The following LAMA2 variants were observed in gnomAD, a reference collection of about 807,000 sequenced individuals.
LAMA2 encodes the protein laminin subunit alpha 2.
In LAMA2, 269 loss-of-function variants were observed where a neutral mutation model predicts 364.8. The observed-to-expected ratio is 0.74, with a 90% CI of 0.67 to 0.82. The LOEUF (loss-of-function observed/expected upper bound fraction) is 0.82. Among genes scored for constraint, LAMA2 ranks in the 40% least tolerant of loss-of-function variants. LAMA2 has a pLI of 0.00. For missense variants in LAMA2, 3,807 were observed against 3,873.2 expected, an observed-to-expected ratio of 0.98 and a Z score of 0.45; for synonymous variants, 1,379 against 1,370.6, an observed-to-expected ratio of 1.01 and a Z score of -0.14.
chr6:129,107,980 C>T (rs1441500601), intron 4 of LAMA2, among the ~76,000 whole-genome samples: 1 of 152,020 alleles, frequency 6.6e-6, no homozygotes, highest in Non-Finnish European at 1.5e-5. Context: ...TGAGCTGCTG[C>T]TTATTTTTTA....
chr6:129,255,461 G>C, intron 14 of LAMA2, among the ~76,000 whole-genome samples: 1 of 127,282 alleles, frequency 7.9e-6, no homozygotes, highest in Non-Finnish European at 1.6e-5. Flanking sequence ...TTAGCACACA[G>C]AGGTCAGCTG....
At chr6:129,180,189 T>C (rs1049606218) in intron 10 of LAMA2, among the ~76,000 whole-genome samples, 6 of 152,140 alleles carry the variant, frequency 3.9e-5, no homozygotes, top group Admixed American at 3.9e-4. Flanking sequence ...ATCAAAATGC[T>C]GCTTAAGAAG....
At chr6:129,291,382 T>C (rs1789690675) in intron 19 of LAMA2, among the ~76,000 whole-genome samples, 1 of 152,198 alleles carries the variant, frequency 6.6e-6, no homozygotes, top group Non-Finnish European at 1.5e-5. Context: ...TTTAATGGCA[T>C]ATGATGGGCC....
In LAMA2 at chr6:129,464,407, AT is replaced by A; in HGVS notation, c.7114del (p.Ser2372LeufsTer6). ...ISTVMFKFRTFSSSALLMYLA... is the reference protein window; with the variant it reads ...ISTVMFKFRTXSSSALLMYLA... ...CCACTGTCATGTTCAAGTTCAGAAC[AT>A]TTTCTTCGAGTGCTCTTCTGATGTA... On this transcript the variant is annotated frameshift_variant, in exon 50 of 65. Transcript: ENST00000421865. LOFTEE classifies it high-confidence loss of function. The A allele has an allele frequency of 6.2e-7, 1 of 1,612,456 alleles. No individual in the cohort carries two copies.
chr6:128,919,642 T>G (rs1219190400), intron 1 of LAMA2, among the ~76,000 whole-genome samples: 1 of 152,238 alleles, frequency 6.6e-6, no homozygotes, highest in African/African-American at 2.4e-5. Flanking sequence ...ATGGATATTC[T>G]TGCTTGCAAT....
chr6:128,901,358 TG>T (rs1777069893), intron 1 of LAMA2, among the ~76,000 whole-genome samples: 1 of 152,238 alleles, frequency 6.6e-6, no homozygotes, highest in South Asian at 2.1e-4. Flanking sequence ...CCAAAATGCA[TG>T]TCTGGGATTT....
At position 129,282,356 on chromosome 6, in the gene LAMA2, T is replaced by G. The variant is rs866218314; in HGVS notation, c.2537+2209T>G. On this transcript the variant is annotated intron_variant, in intron 18 of 64. Coordinates refer to ENST00000421865, the MANE Select transcript of LAMA2 (RefSeq NM_000426.4). ...CTCAGGTGGGACAAGAGTTATAACT[T>G]TATAGTCTTTATCACAATTTAATTT... 2.0e-5 allele frequency among the ~76,000 whole-genome samples: 3 copies of G among 152,144 alleles called. No homozygotes were observed. In the South Asian group the frequency reaches 6.2e-4, roughly 32 times the overall value.
intron 3 of LAMA2, among the ~76,000 whole-genome samples, chr6:129,090,895 C>T (rs1373138567): frequency 2.6e-5 from 4 of 152,136 alleles, no homozygotes; most frequent in African/African-American, 9.7e-5. Flanking sequence ...GCACAGTAAA[C>T]TATACACAGT....
intron 40 of LAMA2, among the ~76,000 whole-genome samples, chr6:129,414,186 G>A (rs1780674967): frequency 6.6e-6 from 1 of 152,046 alleles, no homozygotes; most frequent in Admixed American, 6.5e-5. Flanking sequence ...TAGTACACCT[G>A]AGAACTATAA....
intron 3 of LAMA2, among the ~76,000 whole-genome samples, chr6:129,067,252 A>G (rs1463857587): frequency 7.6e-5 from 1 of 13,204 alleles, no homozygotes; most frequent in East Asian, 3.7e-3. Flanking sequence ...ACCTGAGTAT[A>G]CCTTAAGTAC....
intron 43 of LAMA2, among the ~76,000 whole-genome samples, chr6:129,441,879 A>T (rs1782132420): frequency 6.6e-6 from 1 of 151,930 alleles, no homozygotes; most frequent in Admixed American, 6.6e-5. Flanking sequence ...GCCACTTGGG[A>T]GTCTGAGGCT....
Position 129,491,963 on chromosome 6 carries a change from C to G in LAMA2, c.7961C>G (p.Pro2654Arg). ...RYMQNLTVEQPIEVKKLFVGG... is the reference protein window; with the variant it reads ...RYMQNLTVEQRIEVKKLFVGG... ...ATGCAAAACCTGACAGTTGAACAGC[C>G]TATCGAAGTTAAAAAGCTTTTCGTT... The change falls in exon 57 of 65, where the codon CCT (proline) becomes CGT (arginine). Residue 2654 changes from proline to arginine, a missense_variant. Physicochemically the swap from Pro to Arg is moderately radical, Grantham distance 103 (BLOSUM62 -2). Around this residue, in one of 3 missense-constraint regions of LAMA2, gnomAD observed 3,333 missense variants for 3,345.7 expected, o/e 1.00. Transcript: ENST00000421865. 1 of 1,613,800 alleles carries G rather than the reference C, an allele frequency of 6.2e-7. No individual in the cohort carries two copies. The highest frequency in any genetic ancestry group is 1.1e-5 in the South Asian group (1 of 91,084).
At chr6:129,454,659 T>C (rs546187818) in intron 47 of LAMA2, among the ~76,000 whole-genome samples, 11 of 152,256 alleles carry the variant, frequency 7.2e-5, no homozygotes, top group African/African-American at 2.6e-4. Context: ...TGTACACAGC[T>C]CCTCCTTTAG....
chr6:129,427,878 T>C (rs375065115), intron 41 of LAMA2, 24 bp downstream of exon 41: 16 of 1,390,984 alleles, frequency 1.2e-5, no homozygotes, highest in East Asian at 2.3e-5. Flanking sequence ...TAGTTTTTAT[T>C]ATATTCCAGT....
chr6:128,896,296 A>G (rs1017987858), intron 1 of LAMA2, among the ~76,000 whole-genome samples: 4 of 152,010 alleles, frequency 2.6e-5, no homozygotes, highest in African/African-American at 9.7e-5. Flanking sequence ...TGTATTTAAC[A>G]GACTTTTTAT....
At chr6:129,160,719 A>T (rs1779396735) in intron 8 of LAMA2, among the ~76,000 whole-genome samples, 1 of 151,740 alleles carries the variant, frequency 6.6e-6, no homozygotes, top group Non-Finnish European at 1.5e-5. Context: ...TCCTTCTAGC[A>T]GTTCTTTAGC....
At chr6:129,131,009 A>G (rs1777441358) in intron 4 of LAMA2, among the ~76,000 whole-genome samples, 1 of 152,192 alleles carries the variant, frequency 6.6e-6, no homozygotes, top group Admixed American at 6.5e-5. Context: ...CTTTTTGCTA[A>G]GAAAGAACGG....
rs1383216493 is a variant in LAMA2 at position 129,270,760 on chromosome 6, C to A, written c.2450+9C>A. ...AATATCCCATCCAATAAGTAAGTAACAAACTTACCCCATGAATAAGCTCAG... is the reference window on the plus strand; with the variant it reads ...AATATCCCATCCAATAAGTAAGTAAAAAACTTACCCCATGAATAAGCTCAG... On this transcript the variant is annotated intron_variant, in intron 17 of 64. Transcript: ENST00000421865. 1 of 1,612,498 alleles carries A rather than the reference C, an allele frequency of 6.2e-7. No homozygotes were observed. Among genetic ancestry groups the A allele is most frequent in the East Asian group, 2.2e-5 (1 of 44,812 alleles).
At position 129,337,548 on chromosome 6, in the gene LAMA2, G is replaced by GA. The variant is rs571020373; in HGVS notation, c.4312-4789dup. ...AAAAACTTCACAGCTTATGCAAGAC[G>GA]AAAAAAGCTGTCTTATAAGAATTCA... is the stretch of plus-strand genomic sequence containing the variant. On this transcript the variant is annotated intron_variant, in intron 29 of 64. Coordinates refer to ENST00000421865, the MANE Select transcript of LAMA2 (RefSeq NM_000426.4). 3.0e-4 allele frequency among the ~76,000 whole-genome samples: 46 copies of GA among 152,028 alleles called. No individual in the cohort carries two copies. In the East Asian group the frequency reaches 8.3e-3, roughly 27 times the overall value.
Sources: allele counts gnomAD v4.1 joint callset (sites outside exome capture counted in the v4.1 genomes callset), GRCh38; gene constraint gnomAD v4.1.1; regional missense constraint gnomAD v4.1.1; transcripts MANE v1.5; gene names NCBI Gene and HGNC (gene_info 2026-07-23, HGNC 2026-07-21).